The following ZDHHC14 variants were observed in gnomAD, a reference collection of about 807,000 sequenced individuals.
ZDHHC14 encodes palmitoyltransferase ZDHHC14.
ZDHHC14 carries 16 observed loss-of-function variants against 47.7 expected under a neutral mutation model. The observed-to-expected ratio is 0.34, with a 90% CI of 0.23 to 0.51. The LOEUF is 0.51. ZDHHC14 is among the 20% of genes least tolerant of loss of function. The pLI is 0.97. For missense variants in ZDHHC14, 515 were observed against 662.5 expected, an observed-to-expected ratio of 0.78 and a Z score of 2.44; for synonymous variants, 293 against 278.9, an observed-to-expected ratio of 1.05 and a Z score of -0.50.
chr6:157,493,878 G>A (rs368824017), intron 1 of ZDHHC14, among the ~76,000 whole-genome samples: 1 of 152,162 alleles, frequency 6.6e-6, no homozygotes, highest in Non-Finnish European at 1.5e-5. Context: ...TCCCTCTGCC[G>A]CTCCCATGGC....
intron 4 of ZDHHC14, chr6:157,630,131 C>T (rs144462163): frequency 1.3e-5 from 2 of 152,304 alleles, no homozygotes; most frequent in Non-Finnish European, 2.9e-5. Flanking sequence ...AGGCGTGGGC[C>T]ACAGCACCCG....
At chr6:157,667,437 AAG>A (rs1305628869) in intron 8 of ZDHHC14, among the ~76,000 whole-genome samples, 3 of 152,182 alleles carry the variant, frequency 2.0e-5, no homozygotes, top group Non-Finnish European at 2.9e-5. Context: ...CAAAGTAAAA[AAG>A]AGAGAGGTAG....
At chr6:157,476,150 T>C (rs528978347) in intron 1 of ZDHHC14, among the ~76,000 whole-genome samples, 1 of 151,996 alleles carries the variant, frequency 6.6e-6, no homozygotes. Context: ...AAAAGATAAA[T>C]GAAGCTGAGT....
intron 7 of ZDHHC14, among the ~76,000 whole-genome samples, chr6:157,648,728 A>T (rs1027867820): frequency 3.3e-5 from 5 of 151,770 alleles, no homozygotes; most frequent in Admixed American, 2.0e-4. Flanking sequence ...TCTTGAAGAA[A>T]CCTCCTGACT....
Position 157,593,012 on chromosome 6 carries a change from G to C in ZDHHC14, c.431G>C (p.Gly144Ala). ...GATATCGCAAACGGCACCAGTTCAG[G>C]GGGGTACCGCCCGCCTCCCAGAACC... The part of the protein sequence containing the change: ...QIDIANGTSS[G>A]GYRPPPRTKE... The change falls in exon 3 of 9, where the codon GGG (glycine) becomes GCG (alanine). Residue 144 changes from glycine to alanine, a missense_variant. Gly to Ala is a moderately conservative substitution (Grantham distance 60). This residue lies in a region of ZDHHC14 where 229 missense variants were observed against 351.5 expected (regional missense o/e 0.65). Coordinates refer to ENST00000359775, the MANE Select transcript of ZDHHC14 (RefSeq NM_024630.3). The C allele has an allele frequency of 1.2e-6, 2 of 1,613,982 alleles. No individual in the cohort carries two copies. Among genetic ancestry groups the C allele is most frequent in the Non-Finnish European group, 1.7e-6 (2 of 1,179,904 alleles).
At chr6:157,585,914 C>T (rs1026645348) in intron 2 of ZDHHC14, among the ~76,000 whole-genome samples, 2 of 152,210 alleles carry the variant, frequency 1.3e-5, no homozygotes, top group Admixed American at 6.5e-5. Flanking sequence ...TGGTGGACAG[C>T]GTTGCAGCAC....
chr6:157,610,001 G>A (rs936542118), intron 3 of ZDHHC14, among the ~76,000 whole-genome samples: 3 of 152,214 alleles, frequency 2.0e-5, no homozygotes, highest in Non-Finnish European at 2.9e-5. Flanking sequence ...TTTGTGGGGT[G>A]AATCATTGAA....
chr6:157,473,434 T>C (rs1779401551), intron 1 of ZDHHC14, among the ~76,000 whole-genome samples: 1 of 152,270 alleles, frequency 6.6e-6, no homozygotes, highest in African/African-American at 2.4e-5. Flanking sequence ...GTGCCTGGTT[T>C]ATTTCACTTA....
At chr6:157,393,621 A>G (rs904858310) in intron 1 of ZDHHC14, among the ~76,000 whole-genome samples, 27 of 152,294 alleles carry the variant, frequency 1.8e-4, no homozygotes, top group African/African-American at 6.3e-4. Flanking sequence ...CCTTGACATA[A>G]TCTGGTATTT....
At chr6:157,409,108 C>T (rs113612752) in intron 1 of ZDHHC14, among the ~76,000 whole-genome samples, 13 of 152,244 alleles carry the variant, frequency 8.5e-5, no homozygotes, top group South Asian at 2.1e-4. Flanking sequence ...TGTGCCCTAA[C>T]GAGCTGCAAG....
rs1207758185 is a variant in ZDHHC14 at position 157,628,331 on chromosome 6, T to G, written c.566-18T>G. The G allele has an allele frequency of 3.2e-6, 5 of 1,577,400 alleles. No homozygotes were observed. The African/African-American group carries it at 6.9e-5, about 22-fold the overall frequency. ...TAATTGATTTCCACTTTTTTTTTTT[T>G]TCTGCCTCTCATTTCAGAACGGTTT... On this transcript the variant is annotated intron_variant, in intron 3 of 8. Coordinates refer to ENST00000359775, the MANE Select transcript of ZDHHC14 (RefSeq NM_024630.3).
intron 2 of ZDHHC14, among the ~76,000 whole-genome samples, chr6:157,559,934 T>G (rs1215525481): frequency 6.6e-6 from 1 of 152,152 alleles, no homozygotes; most frequent in Non-Finnish European, 1.5e-5. Context: ...AATAGAAACC[T>G]TACTTGAAAA....
chr6:157,584,890 T>C (rs1783632036), intron 2 of ZDHHC14, among the ~76,000 whole-genome samples: 1 of 152,142 alleles, frequency 6.6e-6, no homozygotes, highest in African/African-American at 2.4e-5. Context: ...AAAATGCTTG[T>C]GTATAAAAAT....
At chr6:157,424,946 T>C (rs1778187532) in intron 1 of ZDHHC14, among the ~76,000 whole-genome samples, 1 of 152,094 alleles carries the variant, frequency 6.6e-6, no homozygotes, top group Non-Finnish European at 1.5e-5. Context: ...CACTCTTCAG[T>C]CCATAGCCAG....
intron 5 of ZDHHC14, among the ~76,000 whole-genome samples, chr6:157,633,704 C>A (rs1386444301): frequency 6.6e-6 from 1 of 152,112 alleles, no homozygotes; most frequent in Non-Finnish European, 1.5e-5. Flanking sequence ...TGTTTGAGAC[C>A]AAGTCTTACC....
At chr6:157,503,008 A>G (rs1780224499) in intron 1 of ZDHHC14, among the ~76,000 whole-genome samples, 1 of 152,218 alleles carries the variant, frequency 6.6e-6, no homozygotes, top group Non-Finnish European at 1.5e-5. Flanking sequence ...TTTTTAAACT[A>G]CACAACTTGT....
chr6:157,385,391 T>C (rs564534529), intron 1 of ZDHHC14, among the ~76,000 whole-genome samples: 7 of 152,378 alleles, frequency 4.6e-5, no homozygotes, highest in African/African-American at 1.7e-4. Context: ...CTATCATGTC[T>C]AGATAGCTTT....
chr6:157,638,580 T>C (rs1018211370), intron 5 of ZDHHC14, among the ~76,000 whole-genome samples: 2 of 151,806 alleles, frequency 1.3e-5, no homozygotes, highest in African/African-American at 4.8e-5. Context: ...CTATTTCCTG[T>C]AAAACCATTC....
Position 157,548,250 on chromosome 6 carries a change from TCAC to T in ZDHHC14, c.406+5509_406+5511del, listed in dbSNP as rs1204577957. On this transcript the variant is annotated intron_variant, in intron 2 of 8. Transcript: ENST00000359775. ...TGCATCTTTTTACTCACCTCCAATA[TCAC>T]CACAATTCATGCTTTGTGTCGTTTT... 1.2e-4 allele frequency among the ~76,000 whole-genome samples: 18 copies of T among 152,280 alleles called. No individual in the cohort carries two copies. In the South Asian group the frequency reaches 1.7e-3, roughly 14 times the overall value.
Sources: gnomAD v4.1 joint callset for allele counts (sites outside exome capture counted in the v4.1 genomes callset) on GRCh38, gnomAD v4.1.1 for gene constraint, gnomAD v4.1.1 regional missense constraint, MANE v1.5 for transcripts, NCBI Gene and HGNC (gene_info 2026-07-23, HGNC 2026-07-21) for gene names.